Variants in FSTL4 observed in about 807,000 individuals in gnomAD.
FSTL4 encodes follistatin like 4, also known as follistatin-related protein 4.
Under a neutral mutation model 78.2 loss-of-function variants are expected in FSTL4, and 28 were observed. The ratio of observed to expected loss-of-function variants is 0.36; its 90% CI spans 0.27 to 0.49. FSTL4 has a LOEUF of 0.49. Among genes scored for constraint, FSTL4 ranks in the 20% least tolerant of loss-of-function variants. The pLI is 0.98. For missense variants in FSTL4, 922 were observed against 1,084.9 expected, an observed-to-expected ratio of 0.85 and a Z score of 2.11; for synonymous variants, 422 against 440.5, an observed-to-expected ratio of 0.96 and a Z score of 0.53.
At chr5:133,738,664 G>A in the FSTL4 span, among the ~76,000 whole-genome samples, 13 of 152,226 alleles carry the variant, frequency 8.5e-5, no homozygotes, top group South Asian at 2.1e-4. Context: ...TTGCCACCTC[G>A]TTTATCTTGG....
At chr5:133,375,798 T>C (rs939491766) in intron 4 of FSTL4, among the ~76,000 whole-genome samples, 1 of 152,216 alleles carries the variant, frequency 6.6e-6, no homozygotes, top group Non-Finnish European at 1.5e-5. Context: ...TCTTCCCACA[T>C]TGACATGATT....
intron 3 of FSTL4, among the ~76,000 whole-genome samples, chr5:133,542,914 C>T (rs895344474): frequency 6.7e-6 from 1 of 148,372 alleles, no homozygotes; most frequent in Non-Finnish European, 1.5e-5. Flanking sequence ...TTGAACCTTT[C>T]TGTTGTACTT....
At chr5:133,332,635 C>A (rs1165200028) in intron 4 of FSTL4, among the ~76,000 whole-genome samples, 1 of 152,230 alleles carries the variant, frequency 6.6e-6, no homozygotes, top group Non-Finnish European at 1.5e-5. Flanking sequence ...ATGTGTTAAC[C>A]TGTCTTCTGA....
chr5:133,314,996 T>G (rs971205486), intron 5 of FSTL4, among the ~76,000 whole-genome samples: 1 of 152,012 alleles, frequency 6.6e-6, no homozygotes, highest in African/African-American at 2.4e-5. Flanking sequence ...ACCATATCTC[T>G]ACTAAAAATG....
chr5:133,391,568 T>G (rs143420486), intron 4 of FSTL4, among the ~76,000 whole-genome samples: 12 of 152,304 alleles, frequency 7.9e-5, no homozygotes, highest in African/African-American at 2.9e-4. Context: ...GGGCTTCCAA[T>G]GGCCGACAGA....
At chr5:133,335,235 T>C (rs915562642) in intron 4 of FSTL4, among the ~76,000 whole-genome samples, 11 of 152,278 alleles carry the variant, frequency 7.2e-5, no homozygotes, top group African/African-American at 1.7e-4. Context: ...CTGGGCCTCC[T>C]TGGAGACCTC....
intron 6 of FSTL4, among the ~76,000 whole-genome samples, chr5:133,300,163 A>C (rs1385759178): frequency 6.6e-6 from 1 of 152,150 alleles, no homozygotes; most frequent in East Asian, 1.9e-4. Context: ...GGGATGCAGG[A>C]TGGCCGGATC....
At chr5:133,230,137 T>C (rs1161218703) in intron 8 of FSTL4, among the ~76,000 whole-genome samples, 2 of 152,046 alleles carry the variant, frequency 1.3e-5, no homozygotes, top group Admixed American at 1.3e-4. Context: ...CTCAGTGAGG[T>C]GGCCAGCACC....
chr5:133,313,143 C>T (rs995041359), intron 5 of FSTL4, among the ~76,000 whole-genome samples: 7 of 152,206 alleles, frequency 4.6e-5, no homozygotes, highest in Admixed American at 2.0e-4. Context: ...AAGACCCCAT[C>T]GGATAAACCC....
the FSTL4 span, among the ~76,000 whole-genome samples, chr5:133,701,366 G>A: frequency 2.6e-4 from 37 of 144,354 alleles, 1 homozygote. Flanking sequence ...TCACGCCACT[G>A]CACTCCAGCC....
In FSTL4 at chr5:133,242,130, G is replaced by A. The variant is rs536674004; in HGVS notation, c.894+7280C>T. ...TCAACTTACACACATGTGCAAAGAG[G>A]TGGGTATAAGGATGTTTACTGCAGT... On this transcript the variant is annotated intron_variant, in intron 7 of 15. Coordinates refer to ENST00000265342, the MANE Select transcript of FSTL4 (RefSeq NM_015082.2). Among the ~76,000 whole-genome samples, 16 of 152,334 alleles carry A rather than the reference G, an allele frequency of 1.1e-4. No individual in the cohort carries two copies. The South Asian group carries it at 3.3e-3, about 32-fold the overall frequency.
chr5:133,611,866 C>A lies in FSTL4; in HGVS notation c.-11+459G>T, dbSNP rs956593397. ...GCCTGCCCGGCGCCCCAACCCGGAG[C>A]CAAGGGCACCGGGCCCGGGCCGAGG... On this transcript the variant is annotated intron_variant, in intron 1 of 15. Coordinates refer to ENST00000265342, the MANE Select transcript of FSTL4 (RefSeq NM_015082.2). This position sits in a 1 kb window ranked among gnomAD's most constrained non-coding sequence, Gnocchi z 4.9. Among the ~76,000 whole-genome samples the A allele has an allele frequency of 6.6e-6, 1 of 152,138 alleles. No individual in the cohort carries two copies. Among genetic ancestry groups the A allele is most frequent in the Non-Finnish European group, 1.5e-5 (1 of 67,996 alleles).
chr5:133,473,850 G>T (rs539370961), intron 3 of FSTL4, among the ~76,000 whole-genome samples: 1 of 152,100 alleles, frequency 6.6e-6, no homozygotes, highest in Non-Finnish European at 1.5e-5. Context: ...GAGGAGAAAA[G>T]CTCCTTATAA....
chr5:133,606,184 G>A (rs981440237), intron 1 of FSTL4, among the ~76,000 whole-genome samples: 11 of 152,144 alleles, frequency 7.2e-5, no homozygotes, highest in African/African-American at 1.2e-4. Context: ...TCAATGGTGC[G>A]ATCTCGGCTC....
At chr5:133,319,354 A>G (rs1079229) in intron 4 of FSTL4, among the ~76,000 whole-genome samples, 113,022 of 152,134 alleles carry the variant, frequency 0.74, 42,402 homozygotes, top group Middle Eastern at 0.8. Context: ...TTTTACCAGT[A>G]TTTATTTACA....
At chr5:133,450,189 T>A (rs1197596175) in intron 3 of FSTL4, among the ~76,000 whole-genome samples, 1 of 152,216 alleles carries the variant, frequency 6.6e-6, no homozygotes, top group African/African-American at 2.4e-5. Flanking sequence ...CAGCCCATGA[T>A]GCAAACCCAC....
intron 2 of FSTL4, among the ~76,000 whole-genome samples, chr5:133,594,197 A>G (rs772538412): frequency 6.7e-5 from 10 of 150,290 alleles, no homozygotes; most frequent in African/African-American, 9.8e-5. Flanking sequence ...AGAGAAGCCT[A>G]CTTTGTTTTT....
the FSTL4 span, among the ~76,000 whole-genome samples, chr5:133,749,403 T>A: frequency 6.6e-6 from 1 of 152,186 alleles, no homozygotes; most frequent in East Asian, 1.9e-4. Flanking sequence ...TCAGAAAATA[T>A]GATGCCCCTA....
At chr5:133,207,670 G>T (rs1273412839) in intron 14 of FSTL4, among the ~76,000 whole-genome samples, 1 of 152,044 alleles carries the variant, frequency 6.6e-6, no homozygotes, top group African/African-American at 2.4e-5. Context: ...TTGAAACAGG[G>T]TCTCACTCTG....
Sources: gnomAD v4.1 joint callset for allele counts (sites outside exome capture counted in the v4.1 genomes callset) on GRCh38, gnomAD v4.1.1 for gene constraint, Gnocchi (gnomAD v3.1) non-coding constraint, MANE v1.5 for transcripts, NCBI Gene and HGNC (gene_info 2026-07-23, HGNC 2026-07-21) for gene names.